Variants in KCNK2 observed in about 807,000 individuals in gnomAD.
The protein encoded by KCNK2 is potassium two pore domain channel subfamily K member 2.
A neutral mutation model predicts 40.5 loss-of-function variants in KCNK2; 21 were observed. The ratio of observed to expected loss-of-function variants is 0.52; its 90% CI spans 0.37 to 0.75. KCNK2 has a LOEUF of 0.75. KCNK2 is among the 30% of genes least tolerant of loss of function. KCNK2 has a pLI of 0.00. For synonymous variants in KCNK2, 191 were observed against 202.2 expected (o/e 0.94, Z 0.47); for missense variants, 399 against 531.6 (o/e 0.75, Z 2.45).
At chr1:215,044,634 A>G (rs1038387893) in intron 1 of KCNK2, among the ~76,000 whole-genome samples, 5 of 152,152 alleles carry the variant, frequency 3.3e-5, no homozygotes, top group African/African-American at 1.2e-4. Context: ...AGATTAACCA[A>G]TTATCACCGG....
chr1:215,169,831 A>T (rs1183624813), intron 4 of KCNK2, among the ~76,000 whole-genome samples: 1 of 151,950 alleles, frequency 6.6e-6, no homozygotes, highest in Non-Finnish European at 1.5e-5. Context: ...TTTTTAGTAG[A>T]GATGGGGTTT....
chr1:215,017,193 A>C (rs1439399958), intron 1 of KCNK2, among the ~76,000 whole-genome samples: 9 of 152,134 alleles, frequency 5.9e-5, no homozygotes, highest in Admixed American at 5.9e-4. Flanking sequence ...GTTCCTCAAA[A>C]ATTTAAAAAT....
intron 1 of KCNK2, among the ~76,000 whole-genome samples, chr1:215,070,350 A>G (rs1658707421): frequency 1.4e-5 from 2 of 138,776 alleles, no homozygotes. Flanking sequence ...TGGGAGGCGG[A>G]GCTTGCAGTG....
intron 2 of KCNK2, among the ~76,000 whole-genome samples, chr1:215,100,463 C>T (rs1463991693): frequency 6.6e-6 from 1 of 151,904 alleles, no homozygotes; most frequent in Non-Finnish European, 1.5e-5. Flanking sequence ...ATCTCAGATG[C>T]CTGCAACCTA....
intron 1 of KCNK2, among the ~76,000 whole-genome samples, chr1:215,024,407 G>A (rs930255720): frequency 9.9e-5 from 15 of 152,192 alleles, no homozygotes; most frequent in African/African-American, 3.1e-4. Flanking sequence ...GTTCACTTAC[G>A]CAGTGAATAA....
chr1:215,086,704 T>A (rs1259063822), intron 2 of KCNK2, 26 bp downstream of exon 2: 1 of 1,590,570 alleles, frequency 6.3e-7, no homozygotes, highest in Non-Finnish European at 8.6e-7. Context: ...GAGTTGTTAC[T>A]CTGTTCCCCC....
intron 1 of KCNK2, among the ~76,000 whole-genome samples, chr1:215,008,115 CTTT>C (rs79977750): frequency 1.5e-5 from 2 of 133,030 alleles, no homozygotes; most frequent in African/African-American, 2.8e-5. Context: ...AGTCCTAAGT[CTTT>C]TTTTTTTTTT....
rs61818322 is a variant in KCNK2 at position 215,118,645 on chromosome 1, A to G, written c.358-5988A>G. On this transcript the variant is annotated intron_variant, in intron 2 of 6. Coordinates refer to ENST00000444842, the MANE Select transcript of KCNK2 (RefSeq NM_001017425.3). ...ACTGTTTCAGGAGCTGTGTTACTGT[A>G]TATATGTCAGTATAATTATAAGTGG... Among the ~76,000 whole-genome samples the G allele has an allele frequency of 2.0e-3, 307 of 152,284 alleles. 1 individual carries two copies. The highest frequency in any genetic ancestry group is 3.2e-3 in the Non-Finnish European group (219 of 67,996).
chr1:215,180,487 A>G (rs1311777436), intron 5 of KCNK2, among the ~76,000 whole-genome samples: 2 of 152,126 alleles, frequency 1.3e-5, no homozygotes, highest in African/African-American at 4.8e-5. Context: ...TTTTTGTGGT[A>G]GCAGGTATCA....
intron 1 of KCNK2, among the ~76,000 whole-genome samples, chr1:215,026,141 T>C (rs111253168): frequency 5.3e-5 from 8 of 152,188 alleles, no homozygotes; most frequent in Non-Finnish European, 1.0e-4. Flanking sequence ...CCATTTGGAT[T>C]TACTCAACTG....
chr1:215,048,764 C>G (rs1200180944), intron 1 of KCNK2, among the ~76,000 whole-genome samples: 1 of 152,160 alleles, frequency 6.6e-6, no homozygotes, highest in Admixed American at 6.5e-5. Flanking sequence ...GCTCTGTTCC[C>G]TGCTCTGGCT....
rs1666836185 is a variant in KCNK2, at chr1:215,235,287, A to G, written c.*142A>G. ...GATACACCCATCATGGTCATCTATCATCAAGAGAATTTGGAATTCTGAGCC... is the reference window on the plus strand; with the variant it reads ...GATACACCCATCATGGTCATCTATCGTCAAGAGAATTTGGAATTCTGAGCC... On this transcript the variant is annotated 3_prime_UTR_variant, in exon 7 of 7. Transcript: ENST00000444842. 4.7e-6 allele frequency: 3 copies of G among 639,702 alleles called. No homozygotes were observed. The highest frequency in any genetic ancestry group is 7.8e-6 in the Non-Finnish European group (3 of 385,990). The allele number at this position is 639,702 out of a possible 1,614,324, so 39.6% of individuals were successfully genotyped here. A position where few individuals can be genotyped will look rare whatever the true frequency, so the allele number is the denominator to read the frequency against.
At chr1:215,133,199 AC>A (rs1661750369) in intron 3 of KCNK2, among the ~76,000 whole-genome samples, 1 of 152,202 alleles carries the variant, frequency 6.6e-6, no homozygotes, top group South Asian at 2.1e-4. Flanking sequence ...CTGAAACAAA[AC>A]ACACTTTCAC....
chr1:215,026,478 C>T (rs747280980), intron 1 of KCNK2, among the ~76,000 whole-genome samples: 14 of 151,856 alleles, frequency 9.2e-5, no homozygotes, highest in South Asian at 6.2e-4. Flanking sequence ...GAATGAATAG[C>T]GGCTTGGGGA....
chr1:215,010,174 CA>C (rs930999279), intron 1 of KCNK2, among the ~76,000 whole-genome samples: 7 of 152,112 alleles, frequency 4.6e-5, no homozygotes, highest in African/African-American at 1.7e-4. Context: ...CAGCCAGGTG[CA>C]AGAGAAAAAC....
At chr1:215,010,289 A>T (rs1656331171) in intron 1 of KCNK2, among the ~76,000 whole-genome samples, 1 of 152,220 alleles carries the variant, frequency 6.6e-6, no homozygotes. Context: ...ATGTATTTGC[A>T]ATATTCTTTT....
intron 2 of KCNK2, among the ~76,000 whole-genome samples, chr1:215,093,729 T>G: frequency 1.1e-5 from 1 of 90,796 alleles, no homozygotes; most frequent in East Asian, 2.9e-4. Context: ...TAAAAATATA[T>G]AATATATAAT....
chr1:215,225,706 G>T (rs886367750), intron 6 of KCNK2, among the ~76,000 whole-genome samples: 1 of 152,168 alleles, frequency 6.6e-6, no homozygotes, highest in African/African-American at 2.4e-5. Context: ...ATGAGGAGAA[G>T]AAATTGATAG....
intron 2 of KCNK2, among the ~76,000 whole-genome samples, chr1:215,118,654 A>C (rs1319846180): frequency 6.6e-6 from 1 of 152,162 alleles, no homozygotes; most frequent in African/African-American, 2.4e-5. Context: ...TATATATGTC[A>C]GTATAATTAT....
Sources: allele counts gnomAD v4.1 joint callset (sites outside exome capture counted in the v4.1 genomes callset), GRCh38; gene constraint gnomAD v4.1.1; transcripts MANE v1.5; gene names NCBI Gene and HGNC (gene_info 2026-07-23, HGNC 2026-07-21).